The following ROR1 variants were observed in gnomAD, a reference collection of about 807,000 sequenced individuals.
ROR1 encodes the protein ROR family WNT receptor 1, also known as inactive tyrosine-protein kinase transmembrane receptor ROR1.
In ROR1, 19 loss-of-function variants were observed where a neutral mutation model predicts 78.8. The observed-to-expected ratio is 0.24, with a 90% CI of 0.17 to 0.35. The LOEUF is 0.35. Ranked by LOEUF, ROR1 falls within the 10% of genes least tolerant of loss-of-function variation. The pLI is 1.00. For missense variants in ROR1, 917 were observed against 1,177.8 expected, an observed-to-expected ratio of 0.78 and a Z score of 3.24; for synonymous variants, 386 against 433.6, an observed-to-expected ratio of 0.89 and a Z score of 1.36.
chr1:64,126,448 A>G (rs142899042), intron 4 of ROR1, among the ~76,000 whole-genome samples: 1 of 152,328 alleles, frequency 6.6e-6, no homozygotes, highest in Non-Finnish European at 1.5e-5. Context: ...TTTACAGGCC[A>G]AGAATGGAGG....
chr1:63,892,083 C>T (rs1481181164), intron 1 of ROR1, among the ~76,000 whole-genome samples: 1 of 152,194 alleles, frequency 6.6e-6, no homozygotes, highest in Non-Finnish European at 1.5e-5. Context: ...TTCACTTCTA[C>T]TTTAATTCAA....
chr1:63,855,212 A>C (rs927346125), intron 1 of ROR1, among the ~76,000 whole-genome samples: 2 of 152,160 alleles, frequency 1.3e-5, no homozygotes, highest in Non-Finnish European at 2.9e-5. Flanking sequence ...CCTCTCCTCT[A>C]AACAGTTATG....
intron 1 of ROR1, among the ~76,000 whole-genome samples, chr1:63,803,682 C>G (rs2100258677): frequency 6.6e-6 from 1 of 152,288 alleles, no homozygotes; most frequent in East Asian, 1.9e-4. Context: ...TATAACCCAG[C>G]CATTGTACTC....
At chr1:64,051,472 TAAAATAAA>T (rs1557628011) in intron 4 of ROR1, among the ~76,000 whole-genome samples, 8 of 135,098 alleles carry the variant, frequency 5.9e-5, no homozygotes, top group African/African-American at 2.4e-4. Context: ...TAAAATAAAA[TAAAATAAA>T]ATAAAATAAA....
intron 1 of ROR1, among the ~76,000 whole-genome samples, chr1:63,777,308 ATTTG>A (rs776121983): frequency 1.3e-5 from 2 of 152,206 alleles, no homozygotes; most frequent in African/African-American, 2.4e-5. Context: ...TTAAATAGGT[ATTTG>A]TCTGTACTTT....
chr1:64,041,765 A>G lies in ROR1; in HGVS notation c.164-7926A>G, dbSNP rs192953403. Among the ~76,000 whole-genome samples, 621 of 152,342 alleles carry G rather than the reference A, an allele frequency of 4.1e-3. 3 individuals are homozygous for G. The highest frequency in any genetic ancestry group is 0.014 in the African/African-American group (595 of 41,584). Reference sequence around the variant, plus strand: ...TGATGCATTAGTCCTTGTGTTTTCAAGAAAATGTGTTCGGCCAGCACCCAG... The same window carrying G: ...TGATGCATTAGTCCTTGTGTTTTCAGGAAAATGTGTTCGGCCAGCACCCAG... On this transcript the variant is annotated intron_variant, in intron 2 of 8. Transcript: ENST00000371079.
At chr1:64,029,936 T>A (rs895150960) in intron 2 of ROR1, among the ~76,000 whole-genome samples, 2 of 152,186 alleles carry the variant, frequency 1.3e-5, no homozygotes, top group Non-Finnish European at 1.5e-5. Flanking sequence ...ATCTTTCCAA[T>A]TATTCATTAC....
At chr1:63,815,815 G>A (rs1404073350) in intron 1 of ROR1, among the ~76,000 whole-genome samples, 1 of 152,022 alleles carries the variant, frequency 6.6e-6, no homozygotes, top group Non-Finnish European at 1.5e-5. Context: ...ACATACCCAG[G>A]TCCTGCCCAG....
At chr1:63,916,402 T>A (rs1557559736) in intron 1 of ROR1, among the ~76,000 whole-genome samples, 1 of 152,090 alleles carries the variant, frequency 6.6e-6, no homozygotes, top group Non-Finnish European at 1.5e-5. Context: ...AAAAGCCTAA[T>A]AACATGGTAA....
chr1:64,128,407 T>C (rs1443649436), intron 4 of ROR1, among the ~76,000 whole-genome samples: 1 of 151,940 alleles, frequency 6.6e-6, no homozygotes, highest in African/African-American at 2.4e-5. Context: ...AGTTTGAGGC[T>C]GCAGTGAGCT....
chr1:64,053,088 GTTGT>G lies in ROR1; in HGVS notation c.482+2377_482+2380del, dbSNP rs534981315. Among the ~76,000 whole-genome samples the G allele has an allele frequency of 4.6e-5, 7 of 152,268 alleles. No homozygotes were observed. The East Asian group carries it at 1.4e-3, about 29-fold the overall frequency. ...TCATAACATTGAGGTCCCTCTAAAG[GTTGT>G]TTGTCAAATTGTACACTACTATTTC... is the stretch of plus-strand genomic sequence containing the variant. On this transcript the variant is annotated intron_variant, in intron 4 of 8. Coordinates refer to ENST00000371079, the MANE Select transcript of ROR1 (RefSeq NM_005012.4).
intron 2 of ROR1, among the ~76,000 whole-genome samples, chr1:64,040,498 C>A (rs906350762): frequency 6.6e-6 from 1 of 152,156 alleles, no homozygotes. Context: ...TACAAAAATA[C>A]ACTTTCTATG....
rs1438103977 is a variant in ROR1, at chr1:64,178,507, C to T, written c.2466C>T (p.Tyr822=). Residue 822 remains tyrosine, a synonymous_variant, in exon 9 of 9, where the codon TAC becomes TAT. Transcript: ENST00000371079. The surrounding 1 kb of genome is among the most constrained non-coding windows in gnomAD (Gnocchi z 4.3). The part of the protein sequence containing the change: ...QNQRFIPING[Y]PIPPGYAAFP... ...AGCGATTCATTCCCATCAATGGATA[C>T]CCAATACCTCCTGGATATGCAGCGT... 1 of 1,614,216 alleles carries T rather than the reference C, an allele frequency of 6.2e-7. No homozygotes were observed. Among genetic ancestry groups the T allele is most frequent in the African/African-American group, 1.3e-5 (1 of 75,042 alleles).
chr1:64,164,922 T>C (rs1445908732), intron 8 of ROR1, among the ~76,000 whole-genome samples: 1 of 152,218 alleles, frequency 6.6e-6, no homozygotes, highest in Non-Finnish European at 1.5e-5. Flanking sequence ...CTGCAAAGGA[T>C]GTGATCTTAT....
At chr1:63,874,758 C>T (rs373942812) in intron 1 of ROR1, among the ~76,000 whole-genome samples, 9 of 152,186 alleles carry the variant, frequency 5.9e-5, no homozygotes. Flanking sequence ...TAAATGTGTG[C>T]CCTTGAAGTT....
chr1:63,974,968 A>G (rs143842919), intron 1 of ROR1, among the ~76,000 whole-genome samples: 22 of 152,348 alleles, frequency 1.4e-4, no homozygotes, highest in African/African-American at 5.3e-4. Context: ...TATAATCTGT[A>G]AAGTGGGATT....
At chr1:63,858,146 C>T (rs55935628) in intron 1 of ROR1, among the ~76,000 whole-genome samples, 79 of 152,300 alleles carry the variant, frequency 5.2e-4, no homozygotes, top group African/African-American at 1.8e-3. Context: ...CTGTATCTTT[C>T]ACTTATCAGC....
chr1:64,159,359 C>G (rs1356204062), intron 8 of ROR1, among the ~76,000 whole-genome samples, 167 bp downstream of exon 8: 2 of 152,158 alleles, frequency 1.3e-5, no homozygotes, highest in African/African-American at 4.8e-5. Context: ...TCTATCTAAA[C>G]CAAGACACTT....
At chr1:63,918,750 G>A (rs1645630112) in intron 1 of ROR1, among the ~76,000 whole-genome samples, 1 of 152,164 alleles carries the variant, frequency 6.6e-6, no homozygotes, top group African/African-American at 2.4e-5. Context: ...AATAGAGAGA[G>A]GGCCAAATGC....
Sources: gnomAD v4.1 joint callset for allele counts (sites outside exome capture counted in the v4.1 genomes callset) on GRCh38, gnomAD v4.1.1 for gene constraint, Gnocchi (gnomAD v3.1) non-coding constraint, MANE v1.5 for transcripts, NCBI Gene and HGNC (gene_info 2026-07-23, HGNC 2026-07-21) for gene names.